Variants in LRRC37A2 observed in about 807,000 individuals in gnomAD.
LRRC37A2 encodes leucine rich repeat containing 37 member A2.
A neutral mutation model predicts 68.8 loss-of-function variants in LRRC37A2; 9 were observed. That is an observed-to-expected ratio of 0.13 (90% CI 0.08 to 0.23). The LOEUF (loss-of-function observed/expected upper bound fraction) is 0.23, where lower values mean the gene tolerates loss of function less well. Ranked by LOEUF, LRRC37A2 falls within the 10% of genes least tolerant of loss-of-function variation. The probability of loss-of-function intolerance (pLI) is 1.00; values close to 1 mark genes in which losing one functional copy is unlikely to be tolerated. For synonymous variants in LRRC37A2, 63 were observed against 367.6 expected (o/e 0.17, Z 9.48); for missense variants, 168 against 950.4 (o/e 0.18, Z 10.82).
chr17:46,790,130 T>C, the LRRC37A2 span, among the ~76,000 whole-genome samples: 1 of 152,310 alleles, frequency 6.6e-6, no homozygotes, highest in East Asian at 1.9e-4. Flanking sequence ...CATTTTCCTC[T>C]GCACCTCCTT....
the LRRC37A2 span, among the ~76,000 whole-genome samples, chr17:46,777,921 A>G: frequency 5.3e-5 from 8 of 152,122 alleles, no homozygotes; most frequent in Non-Finnish European, 7.3e-5. Flanking sequence ...CCCAGGTCCC[A>G]CCAACTGTGG....
the LRRC37A2 span, among the ~76,000 whole-genome samples, chr17:46,759,144 C>T: frequency 6.6e-6 from 1 of 152,286 alleles, no homozygotes; most frequent in South Asian, 2.1e-4. Flanking sequence ...GCAGAGGTTG[C>T]AGTGAGCCAA....
At chr17:46,978,786 G>T in the LRRC37A2 span, 2 of 1,612,178 alleles carry the variant, frequency 1.2e-6, no homozygotes, top group Non-Finnish European at 8.5e-7. Flanking sequence ...GCGACAGCAC[G>T]CAGAGCACGG....
the LRRC37A2 span, among the ~76,000 whole-genome samples, chr17:46,883,914 C>G: frequency 2.0e-5 from 3 of 152,304 alleles, no homozygotes; most frequent in African/African-American, 7.2e-5. Context: ...GGCTGTGGGG[C>G]CCATATTCCT....
the LRRC37A2 span, among the ~76,000 whole-genome samples, chr17:46,775,365 T>C: frequency 1.3e-5 from 2 of 152,140 alleles, no homozygotes; most frequent in Non-Finnish European, 2.9e-5. Context: ...CCTTGGCCAA[T>C]TCGTGGAGAC....
At chr17:46,708,284 GGCTGCAC>G in the LRRC37A2 span, among the ~76,000 whole-genome samples, 1 of 152,010 alleles carries the variant, frequency 6.6e-6, no homozygotes, top group Non-Finnish European at 1.5e-5. Context: ...TTTCCACGGT[GGCTGCAC>G]CATTTTACAT....
the LRRC37A2 span, among the ~76,000 whole-genome samples, chr17:46,924,071 C>T: frequency 6.6e-6 from 1 of 152,154 alleles, no homozygotes; most frequent in African/African-American, 2.4e-5. Flanking sequence ...CACTACGATC[C>T]ATTTCCAGAA....
chr17:46,895,695 G>A, the LRRC37A2 span, among the ~76,000 whole-genome samples: 8 of 152,320 alleles, frequency 5.3e-5, no homozygotes, highest in South Asian at 2.1e-4. Flanking sequence ...TCACAGCAAC[G>A]TTGCATGGCA....
the LRRC37A2 span, chr17:47,017,688 A>G: frequency 1.2e-6 from 2 of 1,611,002 alleles, no homozygotes; most frequent in South Asian, 2.2e-5. Context: ...GATTATTGGA[A>G]TTATACGCCA....
intron 6 of LRRC37A2, among the ~76,000 whole-genome samples, chr17:46,525,638 C>T (rs1370198186): frequency 8.1e-6 from 1 of 122,794 alleles, no homozygotes; most frequent in African/African-American, 2.8e-5. Flanking sequence ...TCATCATCAT[C>T]ATCATCATCT....
At chr17:46,876,168 G>A in the LRRC37A2 span, 3 of 1,357,186 alleles carry the variant, frequency 2.2e-6, no homozygotes, top group East Asian at 7.5e-5. Flanking sequence ...TGCCCTGCTG[G>A]GGTTGGTGCT....
At chr17:46,912,800 G>A in the LRRC37A2 span, among the ~76,000 whole-genome samples, 1 of 152,194 alleles carries the variant, frequency 6.6e-6, no homozygotes, top group Non-Finnish European at 1.5e-5. Context: ...GCTGTCCAGA[G>A]TGGAAGCCAT....
At chr17:47,010,318 C>T in the LRRC37A2 span, 1 of 152,404 alleles carries the variant, frequency 6.6e-6, no homozygotes, top group Non-Finnish European at 1.5e-5. Flanking sequence ...TGTTCCTATG[C>T]ATATGGGGGG....
chr17:46,760,084 A>G, the LRRC37A2 span, among the ~76,000 whole-genome samples: 1 of 152,198 alleles, frequency 6.6e-6, no homozygotes, highest in African/African-American at 2.4e-5. Context: ...TGGGCAACAC[A>G]GCAAGACCCC....
chr17:47,025,227 A>AC, the LRRC37A2 span, among the ~76,000 whole-genome samples: 4 of 152,200 alleles, frequency 2.6e-5, no homozygotes, highest in African/African-American at 9.6e-5. Context: ...TCTGACCTTC[A>AC]CAAAAAAAAT....
chr17:47,020,083 T>G, the LRRC37A2 span, among the ~76,000 whole-genome samples: 1 of 150,792 alleles, frequency 6.6e-6, no homozygotes, highest in African/African-American at 2.5e-5. Context: ...CATTTTTGCT[T>G]CACCCTCTTT....
At chr17:46,504,770 TTCTG>T in the LRRC37A2 span, 1 of 77,454 alleles carries the variant, frequency 1.3e-5, no homozygotes, top group Non-Finnish European at 2.3e-5. Flanking sequence ...GGCAGAGGTT[TTCTG>T]TCTTACAATA....
the LRRC37A2 span, among the ~76,000 whole-genome samples, chr17:46,772,136 C>G: frequency 6.6e-6 from 1 of 152,150 alleles, no homozygotes; most frequent in Non-Finnish European, 1.5e-5. Flanking sequence ...TGGGCGCGAA[C>G]CTGGGTTCAA....
the LRRC37A2 span, chr17:46,769,746 G>A: frequency 6.2e-7 from 1 of 1,604,036 alleles, no homozygotes. Context: ...GCGGGGGGCT[G>A]CTCCCTGAAG....
Sources: allele counts gnomAD v4.1 joint callset (sites outside exome capture counted in the v4.1 genomes callset), GRCh38; gene constraint gnomAD v4.1.1; transcripts MANE v1.5; gene names NCBI Gene and HGNC (gene_info 2026-07-23, HGNC 2026-07-21).